Variants in TRIQK observed in about 807,000 individuals in gnomAD.
The protein encoded by TRIQK is triple QxxK/R motif containing, also known as triple QxxK/R motif-containing protein.
Under a neutral mutation model 10.8 loss-of-function variants are expected in TRIQK, and 10 were observed. The ratio of observed to expected loss-of-function variants is 0.92; its 90% CI spans 0.57 to 1.57. The LOEUF (loss-of-function observed/expected upper bound fraction) is 1.57. Among genes scored for constraint, TRIQK ranks in the 40% most tolerant of loss-of-function variants. The pLI is 0.00. For synonymous variants in TRIQK, 33 were observed against 33.7 expected (o/e 0.98, Z 0.07); for missense variants, 107 against 97.7 (o/e 1.09, Z -0.40).
chr8:93,006,254 C>T (rs928766932), intron 1 of TRIQK, among the ~76,000 whole-genome samples: 15 of 152,184 alleles, frequency 9.9e-5, no homozygotes, highest in Admixed American at 7.9e-4. Flanking sequence ...TCCAGCAACT[C>T]GGTATCCAAG....
chr8:92,942,112 G>A (rs1413256787), intron 2 of TRIQK, among the ~76,000 whole-genome samples: 1 of 151,942 alleles, frequency 6.6e-6, no homozygotes, highest in South Asian at 2.1e-4. Context: ...ATCAGACAAG[G>A]ATGGAACAAA....
At chr8:92,957,778 C>T (rs1812249954) in intron 1 of TRIQK, among the ~76,000 whole-genome samples, 1 of 151,792 alleles carries the variant, frequency 6.6e-6, no homozygotes, top group Non-Finnish European at 1.5e-5. Flanking sequence ...TTATAAGTAA[C>T]TTCTTAATAT....
intron 2 of TRIQK, among the ~76,000 whole-genome samples, chr8:92,919,528 G>A (rs763965607): frequency 2.8e-4 from 42 of 151,750 alleles, no homozygotes; most frequent in Admixed American, 1.3e-4. Flanking sequence ...ACGTGTTGCT[G>A]AATTTGGTTT....
chr8:92,932,747 CAT>C (rs1810797170), intron 2 of TRIQK, among the ~76,000 whole-genome samples: 1 of 151,934 alleles, frequency 6.6e-6, no homozygotes, highest in African/African-American at 2.4e-5. Flanking sequence ...TTTATTTATT[CAT>C]ATATGCGTTT....
rs1348939586 is a variant in TRIQK at position 93,007,366 on chromosome 8, C to A, written c.-181+10243G>T. Among the ~76,000 whole-genome samples the A allele has an allele frequency of 2.0e-5, 3 of 152,138 alleles. No individual in the cohort carries two copies. The East Asian group carries it at 5.8e-4, about 29-fold the overall frequency. ...TCGACAAAAATGTCCCCACAAAAACCCCATCCAAAAGTTAGCAGCCTCAAA... is the reference window on the plus strand; with the variant it reads ...TCGACAAAAATGTCCCCACAAAAACACCATCCAAAAGTTAGCAGCCTCAAA... On this transcript the variant is annotated intron_variant, in intron 1 of 4. Coordinates refer to the TRIQK transcript ENST00000520686.
intron 1 of TRIQK, among the ~76,000 whole-genome samples, chr8:92,963,326 G>A (rs1812551767): frequency 1.3e-5 from 2 of 151,724 alleles, no homozygotes; most frequent in African/African-American, 4.8e-5. Context: ...AGCTAGATAG[G>A]GAATCAGACC....
intron 1 of TRIQK, among the ~76,000 whole-genome samples, chr8:93,012,654 A>C (rs1449938707): frequency 6.6e-6 from 1 of 152,176 alleles, no homozygotes; most frequent in Non-Finnish European, 1.5e-5. Flanking sequence ...AAAGACCATA[A>C]AGCCGTTATA....
chr8:92,913,478 G>A (rs1421399868), intron 3 of TRIQK, among the ~76,000 whole-genome samples: 1 of 152,130 alleles, frequency 6.6e-6, no homozygotes, highest in Non-Finnish European at 1.5e-5. Context: ...AACACATGCT[G>A]GAGAGGATGT....
intron 2 of TRIQK, among the ~76,000 whole-genome samples, chr8:92,949,901 GAAA>G (rs975704041): frequency 2.0e-5 from 3 of 151,574 alleles, no homozygotes; most frequent in Non-Finnish European, 4.4e-5. Context: ...AGGAAAGAAA[GAAA>G]AAAGAAAAAA....
chr8:92,917,950 CT>C (rs1445226204), intron 2 of TRIQK, among the ~76,000 whole-genome samples: 1 of 152,004 alleles, frequency 6.6e-6, no homozygotes, highest in Non-Finnish European at 1.5e-5. Flanking sequence ...ACTTTTTCAG[CT>C]CTCACAAATG....
At chr8:92,960,214 CTATCTATG>C (rs1563663171) in intron 1 of TRIQK, among the ~76,000 whole-genome samples, 1 of 152,188 alleles carries the variant, frequency 6.6e-6, no homozygotes, top group East Asian at 1.9e-4. Context: ...ATCTATCTAT[CTATCTATG>C]TATCTATCTT....
chr8:92,896,246 C>G (rs1328495323), intron 3 of TRIQK, among the ~76,000 whole-genome samples: 1 of 152,178 alleles, frequency 6.6e-6, no homozygotes, highest in African/African-American at 2.4e-5. Flanking sequence ...GAAGTTTGTG[C>G]TGCAGCTCCG....
intron 2 of TRIQK, among the ~76,000 whole-genome samples, chr8:92,949,824 AAGAAAGAAAGAAAG>A (rs1811792216): frequency 7.4e-6 from 1 of 134,504 alleles, no homozygotes; most frequent in Non-Finnish European, 1.6e-5. Context: ...GAAAGAAAGA[AAGAAAGAAAGAAAG>A]AAAGGGAGAG....
chr8:92,894,418 A>C (rs2130288236), intron 3 of TRIQK, among the ~76,000 whole-genome samples: 1 of 152,042 alleles, frequency 6.6e-6, no homozygotes, highest in Middle Eastern at 3.4e-3. Context: ...AAAATATAGA[A>C]GTCCCTGACT....
intron 1 of TRIQK, among the ~76,000 whole-genome samples, chr8:93,005,381 C>T (rs866391080): frequency 1.3e-5 from 2 of 152,154 alleles, no homozygotes; most frequent in Non-Finnish European, 2.9e-5. Flanking sequence ...AATCCACCCC[C>T]ATGATCTAAT....
chr8:92,966,980 CAAAAAAA>C (rs10655820), upstream of TRIQK, among the ~76,000 whole-genome samples: 694 of 68,868 alleles, frequency 0.01, 8 homozygotes, highest in African/African-American at 0.04. Context: ...AAGTAGCATA[CAAAAAAA>C]AAAAAAAAAA....
At chr8:93,004,621 T>G (rs1334082414) in intron 1 of TRIQK, among the ~76,000 whole-genome samples, 1 of 152,258 alleles carries the variant, frequency 6.6e-6, no homozygotes, top group Non-Finnish European at 1.5e-5. Flanking sequence ...TTGTATGCTC[T>G]TCTTCCCTTT....
chr8:93,006,386 G>A (rs760353374), intron 1 of TRIQK, among the ~76,000 whole-genome samples: 6 of 152,230 alleles, frequency 3.9e-5, no homozygotes, highest in Non-Finnish European at 8.8e-5. Flanking sequence ...GGCAGTGAGT[G>A]ATCATGCTAC....
At chr8:92,985,797 A>C (rs971419118) in intron 1 of TRIQK, among the ~76,000 whole-genome samples, 1 of 152,116 alleles carries the variant, frequency 6.6e-6, no homozygotes, top group Non-Finnish European at 1.5e-5. Context: ...ATAAGATCAG[A>C]TATGATAGAT....
Sources: gnomAD v4.1 joint callset for allele counts (sites outside exome capture counted in the v4.1 genomes callset) on GRCh38, gnomAD v4.1.1 for gene constraint, MANE v1.5 for transcripts, NCBI Gene and HGNC (gene_info 2026-07-23, HGNC 2026-07-21) for gene names.